NDUFS8: variants seen among roughly 807,000 people sequenced by gnomAD.
NDUFS8 encodes NADH dehydrogenase [ubiquinone] iron-sulfur protein 8, mitochondrial.
Under a neutral mutation model 25.6 loss-of-function variants are expected in NDUFS8, and 13 were observed. The ratio of observed to expected loss-of-function variants is 0.51; its 90% CI spans 0.33 to 0.81. The LOEUF is 0.81. Ranked by LOEUF, NDUFS8 falls within the 30% of genes least tolerant of loss-of-function variation. The pLI is 0.02. For missense variants in NDUFS8, 257 were observed against 300.9 expected (o/e 0.85, Z 1.08); for synonymous variants, 119 against 119.4 (o/e 1.00, Z 0.02).
chr11:68,030,843 G>C (rs1357151145), intron 1 of NDUFS8, 110 bp downstream of exon 1: 1 of 431,348 alleles, frequency 2.3e-6, no homozygotes, highest in Admixed American at 2.5e-5. Flanking sequence ...CTTCCCCTCG[G>C]CTCACTCAGG....
chr11:68,034,748 G>C (rs1421553050), intron 5 of NDUFS8: 1 of 150,614 alleles, frequency 6.6e-6, no homozygotes, highest in Non-Finnish European at 1.5e-5. Context: ...GGGAGGTGGG[G>C]GTTGCAGTGA....
intron 5 of NDUFS8, chr11:68,035,074 A>T (rs1854859514): frequency 1.3e-5 from 2 of 152,220 alleles, no homozygotes; most frequent in Admixed American, 1.3e-4. Flanking sequence ...GTCTCAAAAA[A>T]AAAAAAAGGA....
chr11:68,036,304 C>A lies in NDUFS8; in HGVS notation c.424C>A (p.Arg142Ser). 1.2e-6 allele frequency: 2 copies of A among 1,613,452 alleles called. No individual in the cohort carries two copies. The highest frequency in any genetic ancestry group is 1.7e-6 in the Non-Finnish European group (2 of 1,179,978). ...PRADGSRRTT[R>S]YDIDMTKCIY... ...AGCTGATGGCAGCCGCCGGACCACCCGCTATGACATCGACATGACCAAGTG... is the reference window on the plus strand; with the variant it reads ...AGCTGATGGCAGCCGCCGGACCACCAGCTATGACATCGACATGACCAAGTG... The change falls in exon 6 of 7, where the codon CGC becomes AGC. Residue 142 changes from arginine to serine, a missense_variant. Physicochemically the swap from Arg to Ser is moderately radical, Grantham distance 110. Transcript: ENST00000313468.
At chr11:68,034,542 G>A (rs946060915) in intron 5 of NDUFS8, 1 of 152,246 alleles carries the variant, frequency 6.6e-6, no homozygotes, top group Non-Finnish European at 1.5e-5. Flanking sequence ...ACCGGGCACA[G>A]TGGCTCATGC....
chr11:68,033,265 G>A lies in NDUFS8; in HGVS notation c.354G>A (p.Glu118=). 1 of 1,607,248 alleles carries A rather than the reference G, an allele frequency of 6.2e-7. No homozygotes were observed. The highest frequency in any genetic ancestry group is 8.5e-7 in the Non-Finnish European group (1 of 1,178,596). Residue 118 remains glutamate (E), a synonymous_variant, in exon 5 of 7, where the codon GAG becomes GAA. Transcript: ENST00000313468. ...EERCIACKLC[E]AICPAQAITI... ...GTTGCATTGCCTGCAAGCTCTGCGA[G>A]GCCATCTGCCCCGCCCAGGTGAGCC...
intron 3 of NDUFS8, 49 bp downstream of exon 3, chr11:68,032,385 C>T: frequency 6.2e-7 from 1 of 1,612,378 alleles, no homozygotes; most frequent in Non-Finnish European, 8.5e-7. Context: ...ACTGGTCCTG[C>T]TGGAGTAGGG....
intron 3 of NDUFS8, 108 bp downstream of exon 3, chr11:68,032,444 G>T: frequency 6.3e-7 from 1 of 1,587,890 alleles, no homozygotes. Context: ...GTTCTTCTCT[G>T]AGCCTGTTTC....
Position 68,033,225 on chromosome 11 carries a change from C to T in NDUFS8, c.314C>T (p.Pro105Leu), listed in dbSNP as rs747899493. ...GGGGAGCATGCGCTGCGCCGGTACC[C>T]ATCCGGGGAGGAGCGTTGCATTGCC... is the stretch of plus-strand genomic sequence containing the variant. ...FRGEHALRRY[P>L]SGEERCIACK... The change falls in exon 5 of 7, where the codon CCA becomes CTA. Residue 105 changes from proline to leucine, a missense_variant. Physicochemically the swap from Pro to Leu is moderately conservative, Grantham distance 98. Transcript: ENST00000313468. The T allele has an allele frequency of 9.3e-6, 15 of 1,611,836 alleles. No homozygotes were observed. The highest frequency in any genetic ancestry group is 3.3e-5 in the Admixed American group (2 of 59,850).
In NDUFS8 at chr11:68,031,456, C is replaced by T. The variant is rs144523841; in HGVS notation, c.1-696C>T. 159 of 161,358 alleles carry T rather than the reference C, an allele frequency of 9.9e-4. 1 individual carries two copies. The highest frequency in any genetic ancestry group is 3.1e-3 in the African/African-American group (131 of 41,604). The allele number at this position is 161,358 out of a possible 1,614,324, so 10.0% of individuals were successfully genotyped here. A position where few individuals can be genotyped will look rare whatever the true frequency, so the allele number is the denominator to read the frequency against. ...CTGCCTCCTGGGTTCAAGCGATTCT[C>T]CTACCTCAACCTCCCGAGTAGCTGG... is the stretch of plus-strand genomic sequence containing the variant. On this transcript the variant is annotated intron_variant, in intron 1 of 6. Coordinates refer to ENST00000313468, the MANE Select transcript of NDUFS8 (RefSeq NM_002496.4).
At chr11:68,031,496 A>C (rs1207269172) in intron 1 of NDUFS8, 1 of 166,028 alleles carries the variant, frequency 6.0e-6, no homozygotes, top group Non-Finnish European at 1.3e-5. Context: ...ATAAGTGCCC[A>C]CCACCACACC....
chr11:68,030,946 G>T (rs1307983144), intron 1 of NDUFS8: 9 of 442,050 alleles, frequency 2.0e-5, no homozygotes, highest in East Asian at 1.5e-4. Flanking sequence ...AGTTAGGGTC[G>T]GAGATCACTG....
intron 1 of NDUFS8, chr11:68,031,281 C>A (rs184797443): frequency 1.2e-5 from 2 of 161,582 alleles, no homozygotes; most frequent in African/African-American, 4.8e-5. Flanking sequence ...TGAAGAGTTT[C>A]CAGCAGGGCA....
chr11:68,032,870 GGA>G, intron 3 of NDUFS8, 51 bp from the exon 4 acceptor site: 1 of 1,568,052 alleles, frequency 6.4e-7, no homozygotes, highest in Non-Finnish European at 8.8e-7. Context: ...GAGGCTCCAG[GGA>G]GACAGTGTGT....
rs1444033453 is a variant in NDUFS8 at position 68,030,704 on chromosome 11, T to A, written c.-30T>A. ...CCGCCTCCCGATTGACTGGCCTGCT[T>A]GGCAAGGCAAGTAGCGGCGGCGCTT... On this transcript the variant is annotated 5_prime_UTR_variant, in exon 1 of 7. Transcript: ENST00000313468. 6.0e-6 allele frequency: 2 copies of A among 331,576 alleles called. No individual in the cohort carries two copies. The highest frequency in any genetic ancestry group is 1.2e-5 in the Non-Finnish European group (2 of 167,104). 20.5% of individuals were successfully genotyped at this position (331,576 alleles called of 1,614,324 possible). A position where few individuals can be genotyped will look rare whatever the true frequency, so the allele number is the denominator to read the frequency against.
chr11:68,033,538 G>A (rs1413156048), intron 5 of NDUFS8: 1 of 580,226 alleles, frequency 1.7e-6, no homozygotes, highest in African/African-American at 1.9e-5. Flanking sequence ...TTGGGGTCTG[G>A]CCAAGGGTGT....
intron 5 of NDUFS8, chr11:68,033,597 C>A: frequency 2.2e-6 from 1 of 453,302 alleles, no homozygotes; most frequent in Admixed American, 3.6e-5. Context: ...CCATCCACGC[C>A]TCCCTGGATG....
chr11:68,031,749 G>A (rs1476441466), intron 1 of NDUFS8: 6 of 350,138 alleles, frequency 1.7e-5, no homozygotes, highest in South Asian at 9.3e-5. Flanking sequence ...CCCTGGGCAC[G>A]GTTCCTGGGG....
intron 3 of NDUFS8, 36 bp from the exon 4 acceptor site, chr11:68,032,887 C>A: frequency 3.1e-6 from 5 of 1,598,504 alleles, no homozygotes; most frequent in Non-Finnish European, 4.3e-6. Flanking sequence ...GTGTGTGAGG[C>A]CTCTTGCCAT....
rs1217820452 is a variant in NDUFS8 at position 68,036,301 on chromosome 11, A to C, written c.421A>C (p.Thr141Pro). ...EPRADGSRRTTRYDIDMTKCI... is the reference protein window; with the variant it reads ...EPRADGSRRTPRYDIDMTKCI... ...AAGAGCTGATGGCAGCCGCCGGACCACCCGCTATGACATCGACATGACCAA... is the reference window on the plus strand; with the variant it reads ...AAGAGCTGATGGCAGCCGCCGGACCCCCCGCTATGACATCGACATGACCAA... The change falls in exon 6 of 7, where the codon ACC (threonine) becomes CCC (proline). Residue 141 changes from threonine (T) to proline (P), a missense_variant. By Grantham distance (38) the Thr-to-Pro change is conservative. Transcript: ENST00000313468. 8 of 1,613,254 alleles carry C rather than the reference A, an allele frequency of 5.0e-6. No individual in the cohort carries two copies. Among genetic ancestry groups the C allele is most frequent in the Non-Finnish European group, 5.9e-6 (7 of 1,179,950 alleles).
Sources: allele counts gnomAD v4.1 joint callset, GRCh38; gene constraint gnomAD v4.1.1; transcripts MANE v1.5; gene names NCBI Gene and HGNC (gene_info 2026-07-23, HGNC 2026-07-21).